AMY2B: variants seen among roughly 807,000 people sequenced by gnomAD.
AMY2B encodes amylase alpha 2B, also known as alpha-amylase 2B.
In AMY2B, 63 loss-of-function variants were observed where a neutral mutation model predicts 59.3. That is an observed-to-expected ratio of 1.06 (90% CI 0.87 to 1.31). AMY2B has a LOEUF of 1.31. AMY2B is among the 50% of genes most tolerant of loss of function. The pLI, the probability that AMY2B is intolerant of heterozygous loss-of-function variation, is 0.00. For synonymous variants in AMY2B, 180 were observed against 198.1 expected (o/e 0.91, Z 0.77); for missense variants, 635 against 626.7 (o/e 1.01, Z -0.14).
At position 103,575,210 on chromosome 1, in the gene AMY2B, T is replaced by G. The variant is rs1424168173; in HGVS notation, c.879-13T>G. 3 of 1,613,288 alleles carry G rather than the reference T, an allele frequency of 1.9e-6. No individual in the cohort carries two copies. Among genetic ancestry groups the G allele is most frequent in the South Asian group, 1.1e-5 (1 of 91,058 alleles). On this transcript the variant is annotated splice_polypyrimidine_tract_variant and intron_variant, in intron 5 of 9. Transcript: ENST00000684275. ...AATGATACATCAACATATATCTTAT[T>G]TTTCAAAAATAGGAACTGGGGAGAA... is the stretch of plus-strand genomic sequence containing the variant.
At chr1:103,572,915 C>T (rs953538083) in intron 2 of AMY2B, 148 bp from the exon 3 acceptor site, 344 of 1,469,718 alleles carry the variant, frequency 2.3e-4, no homozygotes, top group Non-Finnish European at 2.9e-4. Flanking sequence ...TACTTCTTCA[C>T]AGTTGATTTT....
intron 1 of AMY2B, among the ~76,000 whole-genome samples, chr1:103,559,616 AG>A (rs1651670608): frequency 6.6e-6 from 1 of 152,220 alleles, no homozygotes; most frequent in Non-Finnish European, 1.5e-5. Flanking sequence ...TAATAACATA[AG>A]AACTGGAAAC....
chr1:103,559,138 A>C lies in AMY2B; in HGVS notation c.-207+4029A>C, dbSNP rs146607019. 3.0e-3 allele frequency among the ~76,000 whole-genome samples: 455 copies of C among 152,314 alleles called. 1 individual carries two copies. The highest frequency in any genetic ancestry group is 0.017 in the Middle Eastern group (5 of 294). On this transcript the variant is annotated intron_variant, in intron 1 of 11. Transcript: ENST00000361355. ...GAGGAACCACTGTAGTTAAACAAAT[A>C]ATCACTTTAAAACTTAAAACCTTTT...
At chr1:103,555,222 G>A (rs974121693) in intron 1 of AMY2B, 7 of 151,814 alleles carry the variant, frequency 4.6e-5, no homozygotes, top group Admixed American at 3.3e-4. Flanking sequence ...ATAATAAATT[G>A]TTTCCTTTCC....
upstream of AMY2B, chr1:103,569,288 C>T (rs1413646253): frequency 6.5e-6 from 1 of 153,506 alleles, no homozygotes; most frequent in Non-Finnish European, 1.4e-5. Context: ...TATACATACA[C>T]ACACACACAT....
Position 103,577,556 on chromosome 1 carries a change from G to A in AMY2B, c.1168G>A (p.Asp390Asn), listed in dbSNP as rs368928879. 1.9e-6 allele frequency: 3 copies of A among 1,611,962 alleles called. No individual in the cohort carries two copies. Among genetic ancestry groups the A allele is most frequent in the Non-Finnish European group, 2.5e-6 (3 of 1,179,826 alleles). The part of the protein sequence containing the change: ...GVIKEVTINP[D>N]TTCGNDWVCE... ...AATTAAAGAAGTTACTATTAATCCA[G>A]ACACTACTTGTGGCAATGACTGGGT... The change falls in exon 8 of 10, where the codon GAC becomes AAC. Residue 390 changes from aspartate (D) to asparagine (N), a missense_variant. Physicochemically the swap from Asp to Asn is conservative, Grantham distance 23. Coordinates refer to ENST00000684275, the MANE Select transcript of AMY2B (RefSeq NM_001387437.1).
intron 1 of AMY2B, chr1:103,561,999 G>C (rs1043341127): frequency 6.6e-6 from 1 of 152,128 alleles, no homozygotes; most frequent in African/African-American, 2.4e-5. Flanking sequence ...TCCAACTGAA[G>C]AAAAAGCAAA....
chr1:103,570,338 C>T, upstream of AMY2B: 1 of 678,576 alleles, frequency 1.5e-6, no homozygotes, highest in Non-Finnish European at 2.8e-6. Context: ...GCTGTTCCAG[C>T]CTTCCTTCCT....
chr1:103,573,851 T>C lies in AMY2B; in HGVS notation c.657T>C (p.Pro219=). The part of the protein sequence containing the change: ...FRLDASKHMW[P]GDIKAILDKL... ...TTGATGCTTCCAAGCACATGTGGCCTGGAGACATAAAGGCAATTTTGGACA... is the reference window on the plus strand; with the variant it reads ...TTGATGCTTCCAAGCACATGTGGCCCGGAGACATAAAGGCAATTTTGGACA... Residue 219 remains proline, a synonymous_variant, in exon 4 of 10, where the codon CCT becomes CCC. Transcript: ENST00000684275. The C allele has an allele frequency of 6.2e-7, 1 of 1,613,850 alleles. No homozygotes were observed. The highest frequency in any genetic ancestry group is 8.5e-7 in the Non-Finnish European group (1 of 1,179,778).
At chr1:103,575,200 T>C (rs1652301255) in intron 5 of AMY2B, 23 bp from the exon 6 acceptor site, 3 of 1,612,964 alleles carry the variant, frequency 1.9e-6, no homozygotes, top group Non-Finnish European at 2.5e-6. Context: ...TACATCAACA[T>C]ATATCTTATT....
rs201867231 is a variant in AMY2B, at chr1:103,575,349, G to A, written c.1001+4G>A. On this transcript the variant is annotated splice_donor_region_variant and intron_variant, in intron 6 of 9. Transcript: ENST00000684275. ...TTCTTACCTTCTGGGATGCTAGGTAGAAAACCAAGTTCTCTATTTTTTTTA... is the reference window on the plus strand; with the variant it reads ...TTCTTACCTTCTGGGATGCTAGGTAAAAAACCAAGTTCTCTATTTTTTTTA... 281 of 1,613,152 alleles carry A rather than the reference G, an allele frequency of 1.7e-4. No individual in the cohort carries two copies. Among genetic ancestry groups the A allele is most frequent in the Middle Eastern group, 9.9e-4 (6 of 6,072 alleles).
chr1:103,575,370 T>A, intron 6 of AMY2B, 25 bp downstream of exon 6: 1 of 1,613,110 alleles, frequency 6.2e-7, no homozygotes, highest in Non-Finnish European at 8.5e-7. Context: ...TCTCTATTTT[T>A]TTTAACACAT....
rs201379773 is a variant in AMY2B, at chr1:103,575,541, G to T, written c.1101+1G>T. On this transcript the variant is annotated splice_donor_variant, in intron 7 of 9. Transcript: ENST00000684275. LOFTEE classifies it high-confidence loss of function. ...GCCAAGACAGTTTCAAAATGGAAAC[G>T]TAAGTTTTGAAATTGTTCAAACTAT... is the stretch of plus-strand genomic sequence containing the variant. 4.8e-5 allele frequency: 77 copies of T among 1,613,444 alleles called. No individual in the cohort carries two copies. The highest frequency in any genetic ancestry group is 3.3e-4 in the Middle Eastern group (2 of 6,054).
intron 2 of AMY2B, 55 bp from the exon 3 acceptor site, chr1:103,573,008 C>T (rs1162721419): frequency 9.9e-6 from 16 of 1,611,502 alleles, no homozygotes; most frequent in Non-Finnish European, 1.1e-5. Flanking sequence ...ATCAATAATG[C>T]TTTAAATTTC....
chr1:103,576,153 A>G (rs1196803643), intron 7 of AMY2B, among the ~76,000 whole-genome samples: 2 of 152,204 alleles, frequency 1.3e-5, no homozygotes. Flanking sequence ...ACAGAGAAAT[A>G]AGAGTGTACA....
chr1:103,571,539 A>T (rs899180683), upstream of AMY2B: 209 of 1,584,568 alleles, frequency 1.3e-4, no homozygotes, highest in Middle Eastern at 1.4e-3. Flanking sequence ...TTTACTTTGT[A>T]AAATGTGCTT....
intron 1 of AMY2B, among the ~76,000 whole-genome samples, chr1:103,563,553 A>C (rs1651806675): frequency 6.6e-6 from 1 of 152,100 alleles, no homozygotes; most frequent in South Asian, 2.1e-4. Context: ...ATAGCTCTTC[A>C]GATTGCTTGT....
intron 9 of AMY2B, among the ~76,000 whole-genome samples, chr1:103,578,668 T>C (rs1652456962): frequency 6.6e-6 from 1 of 152,146 alleles, no homozygotes; most frequent in African/African-American, 2.4e-5. Flanking sequence ...TTCTTTCTTT[T>C]GTGGATGAAA....
Position 103,573,272 on chromosome 1 carries a change from TA to T in AMY2B, c.513+13del, listed in dbSNP as rs1262242374. On this transcript the variant is annotated intron_variant, in intron 3 of 9. Transcript: ENST00000684275. ...ATGATGCTACTCAGGTAAATTTTTT[TA>T]TGAGAGTCATCTGAATAAGGGGTGA... 6.2e-7 allele frequency: 1 copy of T among 1,613,420 alleles called. No individual in the cohort carries two copies. Among genetic ancestry groups the T allele is most frequent in the East Asian group, 2.2e-5 (1 of 44,860 alleles).
Sources: gnomAD v4.1 joint callset for allele counts (sites outside exome capture counted in the v4.1 genomes callset) on GRCh38, gnomAD v4.1.1 for gene constraint, MANE v1.5 for transcripts, NCBI Gene and HGNC (gene_info 2026-07-23, HGNC 2026-07-21) for gene names.